The following CCDC7 variants were observed in gnomAD, a reference collection of about 807,000 sequenced individuals.
CCDC7 encodes the protein coiled-coil domain-containing protein 7.
Under a neutral mutation model 196.9 loss-of-function variants are expected in CCDC7, and 183 were observed. The ratio of observed to expected loss-of-function variants is 0.93; its 90% confidence interval spans 0.82 to 1.05. The LOEUF (loss-of-function observed/expected upper bound fraction) is 1.05, where lower values mean the gene tolerates loss of function less well. Among genes scored for constraint, CCDC7 ranks in the 50% least tolerant of loss-of-function variants. CCDC7 has a pLI of 0.00. For synonymous variants in CCDC7, 525 were observed against 484.6 expected (o/e 1.08, Z -1.10); for missense variants, 1,540 against 1,482.2 (o/e 1.04, Z -0.64).
At chr10:32,491,579 T>C (rs2042160189) in intron 8 of CCDC7, among the ~76,000 whole-genome samples, 1 of 152,212 alleles carries the variant, frequency 6.6e-6, no homozygotes, top group Admixed American at 6.5e-5. Flanking sequence ...AGGTCACATA[T>C]GTTGGACATT....
At chr10:32,518,334 T>C (rs1490516934) in intron 10 of CCDC7, 82 bp from the exon 12 acceptor site, 1 of 1,379,308 alleles carries the variant, frequency 7.3e-7, no homozygotes, top group East Asian at 2.6e-5. Flanking sequence ...AAGACTTTCT[T>C]ACCTTAATAA....
At chr10:32,514,605 A>G (rs2046742132) in intron 9 of CCDC7, 1 of 152,068 alleles carries the variant, frequency 6.6e-6, no homozygotes, top group South Asian at 2.1e-4. Flanking sequence ...GTGGTCTTTT[A>G]TTACTACAGC....
chr10:32,488,852 A>T (rs892551803), intron 8 of CCDC7, among the ~76,000 whole-genome samples: 1 of 152,188 alleles, frequency 6.6e-6, no homozygotes, highest in African/African-American at 2.4e-5. Context: ...ATATGAAAAG[A>T]TCTTCACCTA....
chr10:32,763,667 A>G (rs2077807280), intron 28 of CCDC7, among the ~76,000 whole-genome samples: 1 of 151,968 alleles, frequency 6.6e-6, no homozygotes, highest in African/African-American at 2.4e-5. Context: ...AGATACTACC[A>G]TTCTCAACAA....
chr10:32,523,541 G>A (rs1160763594), intron 11 of CCDC7, among the ~76,000 whole-genome samples: 4 of 133,886 alleles, frequency 3.0e-5, no homozygotes, highest in Admixed American at 1.6e-4. Context: ...AGAGCAAGAC[G>A]CTGTCTCCAA....
chr10:32,735,760 C>T (rs1482742844), intron 28 of CCDC7, among the ~76,000 whole-genome samples: 1 of 152,150 alleles, frequency 6.6e-6, no homozygotes, highest in Non-Finnish European at 1.5e-5. Context: ...AGGCCACCTA[C>T]ACTTGTTCCT....
intron 28 of CCDC7, among the ~76,000 whole-genome samples, chr10:32,762,380 G>GAT (rs1208040322): frequency 3.0e-4 from 46 of 151,440 alleles, no homozygotes; most frequent in South Asian, 4.2e-4. Context: ...GAAGCTGCCT[G>GAT]ATATATATAT....
At chr10:32,858,537 A>G (rs1010353301) in intron 41 of CCDC7, among the ~76,000 whole-genome samples, 2 of 152,168 alleles carry the variant, frequency 1.3e-5, no homozygotes, top group African/African-American at 2.4e-5. Flanking sequence ...AAATTAGTCA[A>G]TGTGATACTT....
At chr10:32,777,743 A>T (rs1209416458) in intron 28 of CCDC7, among the ~76,000 whole-genome samples, 1 of 151,972 alleles carries the variant, frequency 6.6e-6, no homozygotes, top group East Asian at 1.9e-4. Context: ...ATGCGCCTGT[A>T]ATCCCAGCTA....
At chr10:32,697,776 T>C (rs1025969639) in intron 24 of CCDC7, among the ~76,000 whole-genome samples, 5 of 152,210 alleles carry the variant, frequency 3.3e-5, no homozygotes, top group Non-Finnish European at 5.9e-5. Context: ...CAGCGGAAAC[T>C]TCTGCAGACT....
chr10:32,455,344 T>C (rs2034094995), intron 2 of CCDC7, among the ~76,000 whole-genome samples: 1 of 152,070 alleles, frequency 6.6e-6, no homozygotes, highest in Non-Finnish European at 1.5e-5. Context: ...AGACAGAGTC[T>C]CGCTGTGTCA....
intron 28 of CCDC7, among the ~76,000 whole-genome samples, chr10:32,735,887 G>A (rs1565337904): frequency 1.3e-5 from 2 of 152,132 alleles, no homozygotes; most frequent in Non-Finnish European, 2.9e-5. Flanking sequence ...TTGTTTACAT[G>A]TGGATGACTA....
chr10:32,632,587 TTCCTC>T (rs1449291078), intron 18 of CCDC7, among the ~76,000 whole-genome samples: 1 of 152,084 alleles, frequency 6.6e-6, no homozygotes, highest in Admixed American at 6.6e-5. Context: ...AGCTGTAAAA[TTCCTC>T]TAAGCATCAC....
chr10:32,443,872 T>C (rs1260583320), upstream of CCDC7, among the ~76,000 whole-genome samples: 1 of 152,218 alleles, frequency 6.6e-6, no homozygotes, highest in African/African-American at 2.4e-5. Flanking sequence ...AATGTGTAGA[T>C]AAATATTGAT....
chr10:32,667,747 C>T (rs961374686), intron 21 of CCDC7, among the ~76,000 whole-genome samples: 1 of 152,224 alleles, frequency 6.6e-6, no homozygotes, highest in East Asian at 1.9e-4. Context: ...TTGGTACCAG[C>T]ACCATGCTCT....
At chr10:32,809,106 C>G (rs920341887) in intron 30 of CCDC7, among the ~76,000 whole-genome samples, 2 of 152,100 alleles carry the variant, frequency 1.3e-5, no homozygotes, top group Non-Finnish European at 2.9e-5. Flanking sequence ...GAAAGCCAAT[C>G]CACAAATTGA....
intron 11 of CCDC7, among the ~76,000 whole-genome samples, chr10:32,525,279 C>T (rs59698444): frequency 0.053 from 8,075 of 152,018 alleles, 716 homozygotes; most frequent in African/African-American, 0.18. Context: ...ACCCAAATAG[C>T]CTGTCTTTAA....
intron 21 of CCDC7, among the ~76,000 whole-genome samples, chr10:32,664,826 C>A (rs1375908364): frequency 6.6e-6 from 1 of 151,986 alleles, no homozygotes; most frequent in Non-Finnish European, 1.5e-5. Flanking sequence ...TTTGGAGGTA[C>A]ATCCAGAGGT....
At chr10:32,662,721 T>C (rs991066459) in intron 20 of CCDC7, among the ~76,000 whole-genome samples, 151 of 152,284 alleles carry the variant, frequency 9.9e-4, no homozygotes, top group African/African-American at 3.5e-3. Context: ...GTAGGTTCTT[T>C]TGTCTGGCAT....
Sources: allele counts gnomAD v4.1 joint callset (sites outside exome capture counted in the v4.1 genomes callset), GRCh38; gene constraint gnomAD v4.1.1; transcripts MANE v1.5; gene names NCBI Gene and HGNC (gene_info 2026-07-23, HGNC 2026-07-21).